REDIC1: variants seen among roughly 807,000 people sequenced by gnomAD.
The protein encoded by REDIC1 is regulator of DNA class I crossover intermediates 1.
the REDIC1 span, among the ~76,000 whole-genome samples, chr12:39,741,158 G>C: frequency 3.9e-5 from 6 of 152,096 alleles, no homozygotes; most frequent in Non-Finnish European, 5.9e-5. Context: ...AGAAAGCACA[G>C]GTAGAAGAGA....
the REDIC1 span, among the ~76,000 whole-genome samples, chr12:39,718,421 G>T: frequency 6.6e-6 from 1 of 152,088 alleles, no homozygotes; most frequent in Non-Finnish European, 1.5e-5. Flanking sequence ...GACTCTAGGG[G>T]CAAAGCACTG....
At chr12:39,712,647 T>G in the REDIC1 span, among the ~76,000 whole-genome samples, 1 of 144,754 alleles carries the variant, frequency 6.9e-6, no homozygotes, top group Admixed American at 6.9e-5. Context: ...ACATTTATAT[T>G]TATGTATATA....
the REDIC1 span, among the ~76,000 whole-genome samples, chr12:39,860,596 A>G: frequency 5.3e-5 from 8 of 152,206 alleles, no homozygotes; most frequent in African/African-American, 1.7e-4. Context: ...AATTGCACGC[A>G]TGGTCTTACA....
At chr12:39,716,778 T>C in the REDIC1 span, 1 of 1,604,132 alleles carries the variant, frequency 6.2e-7, no homozygotes, top group East Asian at 2.2e-5. Context: ...CACAGAGTAG[T>C]CGGTCTACTA....
chr12:39,682,685 T>A, the REDIC1 span: 3 of 1,612,218 alleles, frequency 1.9e-6, no homozygotes, highest in Non-Finnish European at 2.5e-6. Context: ...ACGGATGAAA[T>A]AAGACAGTCA....
the REDIC1 span, among the ~76,000 whole-genome samples, chr12:39,806,375 A>G: frequency 1.3e-5 from 2 of 152,086 alleles, no homozygotes; most frequent in Admixed American, 6.6e-5. Context: ...TGAATCAATC[A>G]CCCTTTTTCA....
the REDIC1 span, among the ~76,000 whole-genome samples, chr12:39,818,444 A>C: frequency 1.3e-5 from 2 of 152,214 alleles, no homozygotes; most frequent in Non-Finnish European, 2.9e-5. Context: ...TGAAGAGCTT[A>C]CAATAGTATC....
chr12:39,682,646 C>CTGTAATTA, the REDIC1 span: 1 of 1,602,130 alleles, frequency 6.2e-7, no homozygotes, highest in Non-Finnish European at 8.5e-7. Context: ...AAAAGCCCTG[C>CTGTAATTA]TGTAATTATG....
chr12:39,719,789 TG>T, the REDIC1 span, among the ~76,000 whole-genome samples: 1 of 152,146 alleles, frequency 6.6e-6, no homozygotes, highest in Non-Finnish European at 1.5e-5. Context: ...CGTATTTAAT[TG>T]GGTATATATG....
the REDIC1 span, among the ~76,000 whole-genome samples, chr12:39,896,377 T>TATGTATGTATATGTGTATGTATGTATAC: frequency 1.5e-5 from 2 of 133,012 alleles, no homozygotes; most frequent in Admixed American, 7.8e-5. Flanking sequence ...TGTATACATA[T>TATGTATGTATATGTGTATGTATGTATAC]ATGTATGTAT....
chr12:39,630,203 T>C, the REDIC1 span, among the ~76,000 whole-genome samples: 1 of 152,174 alleles, frequency 6.6e-6, no homozygotes, highest in Admixed American at 6.5e-5. Context: ...CATACTTACC[T>C]CAGATATGAA....
the REDIC1 span, among the ~76,000 whole-genome samples, chr12:39,883,560 G>A: frequency 2.8e-4 from 43 of 152,114 alleles, no homozygotes; most frequent in Admixed American, 2.8e-3. Flanking sequence ...AGGCTTAAGA[G>A]CCTGAGTGTG....
chr12:39,900,259 C>T, the REDIC1 span, among the ~76,000 whole-genome samples: 7,012 of 152,178 alleles, frequency 0.046, 295 homozygotes, highest in Admixed American at 0.13. Context: ...AAACTGGAAG[C>T]ATTCCCTTTG....
the REDIC1 span, among the ~76,000 whole-genome samples, chr12:39,831,494 T>A: frequency 1.3e-5 from 2 of 152,188 alleles, no homozygotes; most frequent in Non-Finnish European, 2.9e-5. Flanking sequence ...GAAAAGGATA[T>A]GAAAGAATAT....
chr12:39,738,228 T>A, the REDIC1 span, among the ~76,000 whole-genome samples: 2 of 152,344 alleles, frequency 1.3e-5, no homozygotes, highest in East Asian at 3.9e-4. Context: ...TGGAGTCTGT[T>A]TTCCTGTTGC....
At chr12:39,627,081 C>T in the REDIC1 span, among the ~76,000 whole-genome samples, 3 of 151,940 alleles carry the variant, frequency 2.0e-5, no homozygotes, top group African/African-American at 7.2e-5. Flanking sequence ...GAAGCCATTA[C>T]ATGTAATTTT....
the REDIC1 span, chr12:39,802,138 C>T: frequency 1.3e-5 from 2 of 152,206 alleles, no homozygotes; most frequent in Non-Finnish European, 2.9e-5. Flanking sequence ...GGTGTGTAAT[C>T]TTTGCGACTG....
the REDIC1 span, among the ~76,000 whole-genome samples, chr12:39,738,559 T>A: frequency 6.6e-6 from 1 of 152,348 alleles, no homozygotes; most frequent in South Asian, 2.1e-4. Context: ...TCTTTGACAC[T>A]CCTTCCACAG....
the REDIC1 span, among the ~76,000 whole-genome samples, chr12:39,687,871 C>T: frequency 0.062 from 9,503 of 152,108 alleles, 1,043 homozygotes; most frequent in African/African-American, 0.22. Flanking sequence ...TCTACAGGAG[C>T]CTGAGTTGCT....
Sources: allele counts gnomAD v4.1 joint callset (sites outside exome capture counted in the v4.1 genomes callset), GRCh38; gene constraint gnomAD v4.1.1; transcripts MANE v1.5; gene names NCBI Gene and HGNC (gene_info 2026-07-23, HGNC 2026-07-21).